The following MRPL17 variants were observed in gnomAD, a reference collection of about 807,000 sequenced individuals.
The protein encoded by MRPL17 is large ribosomal subunit protein bL17m.
Under a neutral mutation model 12.0 loss-of-function variants are expected in MRPL17, and 8 were observed. The observed-to-expected ratio is 0.67, with a 90% CI of 0.39 to 1.21. The LOEUF is 1.21. Ranked by LOEUF, MRPL17 falls within the 50% of genes most tolerant of loss-of-function variation. The pLI, the probability that MRPL17 is intolerant of heterozygous loss-of-function variation, is 0.01. For synonymous variants in MRPL17, 107 were observed against 92.9 expected (o/e 1.15, Z -0.87); for missense variants, 263 against 234.4 (o/e 1.12, Z -0.80).
intron 1 of MRPL17, 138 bp downstream of exon 1, chr11:6,682,985 C>A: frequency 7.5e-7 from 1 of 1,331,040 alleles, no homozygotes; most frequent in Non-Finnish European, 1.0e-6. Flanking sequence ...GATGGAGGGG[C>A]GGGTTCAGCC....
chr11:6,682,471 T>C (rs1451982904), intron 2 of MRPL17, 69 bp from the exon 3 acceptor site: 3 of 1,523,208 alleles, frequency 2.0e-6, no homozygotes, highest in Non-Finnish European at 1.8e-6. Context: ...CTTTACACCA[T>C]TCCCAAAGGT....
Position 6,683,286 on chromosome 11 carries a change from G to A in MRPL17, c.11C>T (p.Ser4Leu), listed in dbSNP as rs143153124. ...GCCATGGGAGATCGCTGCAGCGACC[G>A]ACAGCCGCATGTTTCCAACTTCTGC... MRL[S>L]VAAAISHGRV... The change falls in exon 1 of 3, where the codon TCG becomes TTG. Residue 4 changes from serine to leucine, a missense_variant. Transcript: ENST00000288937. 8 of 1,610,548 alleles carry A rather than the reference G, an allele frequency of 5.0e-6. No individual in the cohort carries two copies. Among genetic ancestry groups the A allele is most frequent in the African/African-American group, 2.7e-5 (2 of 74,894 alleles).
In MRPL17 at chr11:6,681,146, T is replaced by C. The variant is rs182485151; in HGVS notation, c.*972A>G. ...ATTATCAGGCACTGCTATCAAGTGTTTGGACCAAGACTGATGGCTCCTTTC... is the reference window on the plus strand; with the variant it reads ...ATTATCAGGCACTGCTATCAAGTGTCTGGACCAAGACTGATGGCTCCTTTC... On this transcript the variant is annotated 3_prime_UTR_variant, in exon 3 of 3. Coordinates refer to ENST00000288937, the MANE Select transcript of MRPL17 (RefSeq NM_022061.4). 6.6e-6 allele frequency: 1 copy of C among 152,298 alleles called. No homozygotes were observed. The highest frequency in any genetic ancestry group is 2.4e-5 in the African/African-American group (1 of 41,548). 9.4% of individuals were successfully genotyped at this position (152,298 alleles called of 1,614,324 possible).
At position 6,682,175 on chromosome 11, in the gene MRPL17, C is replaced by T; in HGVS notation, c.471G>A (p.Arg157=). ...TGTGGTTGCTTGCTTCCTGGCTTTG[C>T]CTGAGGTCCTGCCGCAAACCCTGCA... is the stretch of plus-strand genomic sequence containing the variant. ...QLLQGLRQDL[R]QSQEASNHSS... The change falls in exon 3 of 3, where the codon AGG becomes AGA. Residue 157 remains arginine (R), a synonymous_variant. Transcript: ENST00000288937. 6.2e-7 allele frequency: 1 copy of T among 1,614,102 alleles called. No homozygotes were observed. Among genetic ancestry groups the T allele is most frequent in the East Asian group, 2.2e-5 (1 of 44,880 alleles).
Position 6,683,300 on chromosome 11 carries a change from T to G in MRPL17, c.-4A>C. On this transcript the variant is annotated 5_prime_UTR_variant, in exon 1 of 3. Coordinates refer to ENST00000288937, the MANE Select transcript of MRPL17 (RefSeq NM_022061.4). ...CTGCAGCGACCGACAGCCGCATGTT[T>G]CCAACTTCTGCCCGCCCCTTGGAGG... The G allele has an allele frequency of 6.2e-7, 1 of 1,608,670 alleles. No individual in the cohort carries two copies. Among genetic ancestry groups the G allele is most frequent in the Non-Finnish European group, 8.5e-7 (1 of 1,176,076 alleles).
In MRPL17 at chr11:6,680,878, T is replaced by C. The variant is rs1028125557; in HGVS notation, c.*1240A>G. 4.3e-4 allele frequency: 65 copies of C among 152,198 alleles called. No homozygotes were observed. The highest frequency in any genetic ancestry group is 1.2e-3 in the African/African-American group (48 of 41,452). 9.4% of individuals were successfully genotyped at this position (152,198 alleles called of 1,614,324 possible). On this transcript the variant is annotated 3_prime_UTR_variant, in exon 3 of 3. Coordinates refer to ENST00000288937, the MANE Select transcript of MRPL17 (RefSeq NM_022061.4). Reference sequence around the variant, plus strand: ...CTATAGTGTGAAGAACAAACCATAGTAGAGAAAAAGAGATAAAGAGCTCTG... The same window carrying C: ...CTATAGTGTGAAGAACAAACCATAGCAGAGAAAAAGAGATAAAGAGCTCTG...
chr11:6,683,091 C>A, intron 1 of MRPL17, 32 bp downstream of exon 1: 1 of 1,603,228 alleles, frequency 6.2e-7, no homozygotes, highest in Non-Finnish European at 8.5e-7. Context: ...AGACCAGACC[C>A]GCAGAGTGGA....
chr11:6,681,223 G>A lies in MRPL17; in HGVS notation c.*895C>T, dbSNP rs138831248. 7 of 152,192 alleles carry A rather than the reference G, an allele frequency of 4.6e-5. No homozygotes were observed. The highest frequency in any genetic ancestry group is 3.9e-4 in the Admixed American group (6 of 15,288). 9.4% of individuals were successfully genotyped at this position (152,192 alleles called of 1,614,324 possible). A position where few individuals can be genotyped will look rare whatever the true frequency, so the allele number is the denominator to read the frequency against. On this transcript the variant is annotated 3_prime_UTR_variant, in exon 3 of 3. Transcript: ENST00000288937. ...CTAAAGCCTCTGAACCCAAGGGAAC[G>A]GCAGCCTGGCTGTGCCAAGAAAGGG...
chr11:6,681,656 C>T lies in MRPL17; in HGVS notation c.*462G>A, dbSNP rs1846565001. ...ACTTGCAGATTGTCACTCCCCTACC[C>T]CTGTCAGGAAGTAATCTTTCTCTAA... On this transcript the variant is annotated 3_prime_UTR_variant, in exon 3 of 3. Coordinates refer to ENST00000288937, the MANE Select transcript of MRPL17 (RefSeq NM_022061.4). 6.6e-6 allele frequency: 1 copy of T among 152,260 alleles called. No individual in the cohort carries two copies. Among genetic ancestry groups the T allele is most frequent in the Non-Finnish European group, 1.5e-5 (1 of 68,140 alleles). 9.4% of individuals were successfully genotyped at this position (152,260 alleles called of 1,614,324 possible).
In MRPL17 at chr11:6,681,035, AGT is replaced by A; in HGVS notation, c.*1081_*1082del. 6.6e-6 allele frequency: 1 copy of A among 152,342 alleles called. No individual in the cohort carries two copies. The highest frequency in any genetic ancestry group is 1.5e-5 in the Non-Finnish European group (1 of 68,036). 9.4% of individuals were successfully genotyped at this position (152,342 alleles called of 1,614,324 possible). ...CTTACTCTTACTTATTATCTCAGAC[AGT>A]GGATGGGTTCAGTGGGCCAAATACA... On this transcript the variant is annotated 3_prime_UTR_variant, in exon 3 of 3. Transcript: ENST00000288937.
Position 6,682,374 on chromosome 11 carries a change from T to TGA in MRPL17, c.270_271dup (p.Gln91LeufsTer33). ...ATCTTTGTACCGAGGGGCCAGTACT[T>TGA]GAAACAGCTTTGGGATCAAATCCTT... On this transcript the variant is annotated frameshift_variant, in exon 3 of 3. Transcript: ENST00000288937. LOFTEE classifies it high-confidence loss of function. 1 of 1,613,984 alleles carries TGA rather than the reference T, an allele frequency of 6.2e-7. No homozygotes were observed. The highest frequency in any genetic ancestry group is 8.5e-7 in the Non-Finnish European group (1 of 1,179,858).
chr11:6,682,250 G>T lies in MRPL17; in HGVS notation c.396C>A (p.Pro132=), dbSNP rs765119481. The change falls in exon 3 of 3, where the codon CCC becomes CCA. Residue 132 remains proline (P), a synonymous_variant. Transcript: ENST00000288937. The part of the protein sequence containing the change: ...VIEYKGNCLP[P]LPLPRRDSHL... ...GGCTGTCTCTGCGAGGCAGAGGCAG[G>T]GGTGGGAGGCAATTCCCTTTATACT... The T allele has an allele frequency of 6.2e-7, 1 of 1,614,152 alleles. No homozygotes were observed. The highest frequency in any genetic ancestry group is 8.5e-7 in the Non-Finnish European group (1 of 1,180,024).
chr11:6,683,084 C>G, intron 1 of MRPL17, 39 bp downstream of exon 1: 1 of 1,597,918 alleles, frequency 6.3e-7, no homozygotes, highest in Non-Finnish European at 8.5e-7. Flanking sequence ...CCCCCTCAGA[C>G]CAGACCCGCA....
Position 6,681,166 on chromosome 11 carries a change from CCTTT to C in MRPL17, c.*948_*951del, listed in dbSNP as rs1846559318. 6.6e-6 allele frequency: 1 copy of C among 152,196 alleles called. No homozygotes were observed. The highest frequency in any genetic ancestry group is 1.5e-5 in the Non-Finnish European group (1 of 68,052). The allele number at this position is 152,196 out of a possible 1,614,324, so 9.4% of individuals were successfully genotyped here. A position where few individuals can be genotyped will look rare whatever the true frequency, so the allele number is the denominator to read the frequency against. ...AGTGTTTGGACCAAGACTGATGGCT[CCTTT>C]CTAAGTCCTTCCATAACTACTACCC... On this transcript the variant is annotated 3_prime_UTR_variant, in exon 3 of 3. Coordinates refer to ENST00000288937, the MANE Select transcript of MRPL17 (RefSeq NM_022061.4).
chr11:6,683,161 A>G lies in MRPL17; in HGVS notation c.136T>C (p.Trp46Arg), dbSNP rs201315394. 23 of 1,613,962 alleles carry G rather than the reference A, an allele frequency of 1.4e-5. No individual in the cohort carries two copies. The highest frequency in any genetic ancestry group is 4.5e-5 in the East Asian group (2 of 44,888). ...CCCCTCATTTCGTCCACACGCGCCCATGGTGCCTCGATGCGTTCGTGCCGC... is the reference window on the plus strand; with the variant it reads ...CCCCTCATTTCGTCCACACGCGCCCGTGGTGCCTCGATGCGTTCGTGCCGC... The part of the protein sequence containing the change: ...LVRHERIEAP[W>R]ARVDEMRGYA... The change falls in exon 1 of 3, where the codon TGG becomes CGG. Residue 46 changes from tryptophan (W) to arginine (R), a missense_variant. Physicochemically the swap from Trp to Arg is moderately radical, Grantham distance 101 (BLOSUM62 -3). Transcript: ENST00000288937.
chr11:6,682,160 T>G lies in MRPL17; in HGVS notation c.486A>C (p.Ala162=). The G allele has an allele frequency of 6.2e-7, 1 of 1,613,988 alleles. No homozygotes were observed. Among genetic ancestry groups the G allele is most frequent in the Non-Finnish European group, 8.5e-7 (1 of 1,179,916 alleles). Residue 162 remains alanine, a synonymous_variant, in exon 3 of 3, where the codon GCA becomes GCC. Coordinates refer to ENST00000288937, the MANE Select transcript of MRPL17 (RefSeq NM_022061.4). ...GAGCTGTGTGGGAGCTGTGGTTGCT[T>G]GCTTCCTGGCTTTGCCTGAGGTCCT... ...LRQDLRQSQE[A]SNHSSHTAQT...
At chr11:6,682,644 A>C in intron 2 of MRPL17, 103 bp downstream of exon 2, 1 of 1,206,000 alleles carries the variant, frequency 8.3e-7, no homozygotes, top group Admixed American at 1.8e-5. Flanking sequence ...GCACTGGCCC[A>C]TAAGTGAGTA....
chr11:6,682,582 T>C (rs1846578359), intron 2 of MRPL17, among the ~76,000 whole-genome samples, 165 bp downstream of exon 2: 1 of 152,212 alleles, frequency 6.6e-6, no homozygotes, highest in South Asian at 2.1e-4. Flanking sequence ...TGCAGAGGTA[T>C]ATTCACATCG....
At position 6,681,252 on chromosome 11, in the gene MRPL17, C is replaced by T. The variant is rs979764766; in HGVS notation, c.*866G>A. 6.6e-6 allele frequency: 1 copy of T among 152,188 alleles called. No individual in the cohort carries two copies. The highest frequency in any genetic ancestry group is 2.1e-4 in the South Asian group (1 of 4,828). 9.4% of individuals were successfully genotyped at this position (152,188 alleles called of 1,614,324 possible). A position where few individuals can be genotyped will look rare whatever the true frequency, so the allele number is the denominator to read the frequency against. Reference sequence around the variant, plus strand: ...GCCTGGCTGTGCCAAGAAAGGGGCTCCCAGCTTCTCACATTCTGAAGCCGG... The same window carrying T: ...GCCTGGCTGTGCCAAGAAAGGGGCTTCCAGCTTCTCACATTCTGAAGCCGG... On this transcript the variant is annotated 3_prime_UTR_variant, in exon 3 of 3. Coordinates refer to ENST00000288937, the MANE Select transcript of MRPL17 (RefSeq NM_022061.4).
Sources: allele counts gnomAD v4.1 joint callset (sites outside exome capture counted in the v4.1 genomes callset), GRCh38; gene constraint gnomAD v4.1.1; transcripts MANE v1.5; gene names NCBI Gene and HGNC (gene_info 2026-07-23, HGNC 2026-07-21).